Variants in DEPDC5 observed in about 807,000 individuals in gnomAD.
The protein encoded by DEPDC5 is DEP domain containing 5, GATOR1 subcomplex subunit, also known as GATOR1 complex protein DEPDC5.
In DEPDC5, 73 loss-of-function variants were observed where a neutral mutation model predicts 217.3. The observed-to-expected ratio is 0.34, with a 90% CI of 0.28 to 0.41. The LOEUF (loss-of-function observed/expected upper bound fraction) is 0.41. Ranked by LOEUF, DEPDC5 falls within the 10% of genes least tolerant of loss-of-function variation. The pLI is 1.00. For missense variants in DEPDC5, 1,675 were observed against 2,070.1 expected (o/e 0.81, Z 3.70); for synonymous variants, 733 against 756.7 (o/e 0.97, Z 0.51).
chr22:31,864,981 G>A (rs1235342606), intron 33 of DEPDC5, among the ~76,000 whole-genome samples: 2 of 141,268 alleles, frequency 1.4e-5, no homozygotes, highest in Non-Finnish European at 2.9e-5. Flanking sequence ...GTGAGCCATC[G>A]CGCTTGGCCT....
intron 18 of DEPDC5, among the ~76,000 whole-genome samples, chr22:31,807,655 C>T (rs2087717503): frequency 6.6e-6 from 1 of 152,204 alleles, no homozygotes. Flanking sequence ...TTGTCTCAAA[C>T]TCTTGATTTC....
intron 24 of DEPDC5, 80 bp from the exon 25 acceptor site, chr22:31,833,835 T>C: frequency 8.4e-7 from 1 of 1,184,112 alleles, no homozygotes; most frequent in South Asian, 2.0e-5. Context: ...AGCTCCAGTT[T>C]GCCTTTTTCA....
At chr22:31,858,452 G>A (rs2092386281) in intron 32 of DEPDC5, 1 of 152,154 alleles carries the variant, frequency 6.6e-6, no homozygotes, top group Non-Finnish European at 1.5e-5. Context: ...AGGACAAGCT[G>A]ACTGTACTTA....
intron 3 of DEPDC5, 56 bp downstream of exon 3, chr22:31,758,689 C>T: frequency 2.0e-6 from 3 of 1,501,958 alleles, no homozygotes; most frequent in Non-Finnish European, 2.8e-6. Flanking sequence ...CAAATGATGT[C>T]CAAGGCAGAT....
chr22:31,762,106 A>AT (rs1158238349), intron 4 of DEPDC5, among the ~76,000 whole-genome samples: 2 of 151,802 alleles, frequency 1.3e-5, no homozygotes, highest in Non-Finnish European at 2.9e-5. Flanking sequence ...CATCTGTCCC[A>AT]TTTTTTCACA....
At chr22:31,765,757 C>T (rs1019715976) in intron 5 of DEPDC5, among the ~76,000 whole-genome samples, 1 of 151,928 alleles carries the variant, frequency 6.6e-6, no homozygotes, top group Non-Finnish European at 1.5e-5. Context: ...GGGTGGTGGC[C>T]CATGCCTGTA....
Position 31,876,233 on chromosome 22 carries a change from A to G in DEPDC5, c.3773A>G (p.Tyr1258Cys), listed in dbSNP as rs1401039255. 2.5e-6 allele frequency: 4 copies of G among 1,613,858 alleles called. No homozygotes were observed. The Admixed American group carries it at 6.7e-5, about 27-fold the overall frequency. Reference sequence around the variant, plus strand: ...ACCTTCATCTACGGCTTCTATTTCTACAAGATAGTAACGGACAAAGAGCCC... The same window carrying G: ...ACCTTCATCTACGGCTTCTATTTCTGCAAGATAGTAACGGACAAAGAGCCC... ...WRTFIYGFYF[Y>C]KIVTDKEPDR... The change falls in exon 37 of 43, where the codon TAC (tyrosine) becomes TGC (cysteine). Residue 1258 changes from tyrosine (Y) to cysteine (C), a missense_variant. This residue lies in a region of DEPDC5 where 194 missense variants were observed against 199.3 expected (regional missense o/e 0.97). Coordinates refer to ENST00000651528, the MANE Select transcript of DEPDC5 (RefSeq NM_001242896.3).
intron 29 of DEPDC5, 84 bp downstream of exon 29, chr22:31,843,896 C>G (rs915371776): frequency 1.5e-6 from 2 of 1,357,284 alleles, no homozygotes; most frequent in Non-Finnish European, 2.0e-6. Flanking sequence ...TGCCCTTTCT[C>G]TCTCTCTCCC....
chr22:31,889,566 T>TC (rs768515801), intron 38 of DEPDC5, among the ~76,000 whole-genome samples: 25 of 139,260 alleles, frequency 1.8e-4, no homozygotes, highest in Non-Finnish European at 2.5e-4. Flanking sequence ...TTTTTTTTTT[T>TC]CCAGACAGAG....
rs763615141 is a variant in DEPDC5, at chr22:31,879,043, A to AAATATAT, written c.3806-481_3806-480insATATATA. 1.0e-4 allele frequency among the ~76,000 whole-genome samples: 12 copies of AAATATAT among 119,458 alleles called. No homozygotes were observed. In the East Asian group the frequency reaches 2.5e-3, roughly 24 times the overall value. 78.4% of individuals were successfully genotyped at this position (119,458 alleles called of 152,430 possible). A position where few individuals can be genotyped will look rare whatever the true frequency, so the allele number is the denominator to read the frequency against. ...AGACTCCGTCTCAAAAAAAAAAAAA[A>AAATATAT]ATATATATATATATATATATATATA... On this transcript the variant is annotated intron_variant, in intron 37 of 42. Transcript: ENST00000651528.
chr22:31,759,413 AC>A (rs1385208228), intron 3 of DEPDC5, among the ~76,000 whole-genome samples: 2 of 148,540 alleles, frequency 1.3e-5, no homozygotes, highest in African/African-American at 5.0e-5. Context: ...TCACTCTGTC[AC>A]CCAGGCTGAA....
intron 31 of DEPDC5, among the ~76,000 whole-genome samples, chr22:31,847,673 C>A (rs915826638): frequency 3.5e-4 from 53 of 152,270 alleles, no homozygotes; most frequent in African/African-American, 1.3e-3. Context: ...CCCACCTGGA[C>A]CATCCCATGA....
rs543364711 is a variant in DEPDC5, at chr22:31,768,882, T to C, written c.413+19T>C. Reference sequence around the variant, plus strand: ...GCATCAGGTAGATATTACATCACTCTTGCCTTATCTGTGCAGTAACTGGGC... The same window carrying C: ...GCATCAGGTAGATATTACATCACTCCTGCCTTATCTGTGCAGTAACTGGGC... On this transcript the variant is annotated intron_variant, in intron 7 of 42. Coordinates refer to ENST00000651528, the MANE Select transcript of DEPDC5 (RefSeq NM_001242896.3). 3.0e-5 allele frequency: 48 copies of C among 1,610,634 alleles called. No homozygotes were observed. The South Asian group carries it at 5.0e-4, about 17-fold the overall frequency.
intron 26 of DEPDC5, 23 bp downstream of exon 26, chr22:31,837,178 C>T: frequency 6.2e-7 from 1 of 1,613,114 alleles, no homozygotes; most frequent in Non-Finnish European, 8.5e-7. Context: ...GAAAAAGGCA[C>T]TTGGCTTGGT....
In DEPDC5 at chr22:31,844,947, A is replaced by G. The variant is rs1280065295; in HGVS notation, c.2802-71A>G. On this transcript the variant is annotated intron_variant, in intron 29 of 42. Coordinates refer to ENST00000651528, the MANE Select transcript of DEPDC5 (RefSeq NM_001242896.3). Reference sequence around the variant, plus strand: ...GGACCTTCACACACCAACTCCACAGAGAGTTTACTGAGAGTGCTTTCATTA... The same window carrying G: ...GGACCTTCACACACCAACTCCACAGGGAGTTTACTGAGAGTGCTTTCATTA... 4.0e-6 allele frequency: 6 copies of G among 1,507,822 alleles called. No homozygotes were observed. In the East Asian group the frequency reaches 1.4e-4, roughly 34 times the overall value. The allele number at this position is 1,507,822 out of a possible 1,614,324, so 93.4% of individuals were successfully genotyped here. A position where few individuals can be genotyped will look rare whatever the true frequency, so the allele number is the denominator to read the frequency against.
Position 31,834,750 on chromosome 22 carries a change from C to T in DEPDC5, c.2170+770C>T, listed in dbSNP as rs549400650. On this transcript the variant is annotated intron_variant, in intron 25 of 42. Transcript: ENST00000651528. The stretch of plus-strand genomic sequence containing the variant: ...TAGGCTGGTCTCAAACTCCTAACCT[C>T]GTGATCCTGACCTCGTGATCCGCCC... Among the ~76,000 whole-genome samples, 369 of 152,166 alleles carry T rather than the reference C, an allele frequency of 2.4e-3. 1 individual carries two copies. Among genetic ancestry groups the T allele is most frequent in the Non-Finnish European group, 3.6e-3 (244 of 68,012 alleles).
Position 31,843,225 on chromosome 22 carries a change from A to G in DEPDC5, c.2633+13A>G, listed in dbSNP as rs374679080. 1.5e-5 allele frequency: 24 copies of G among 1,610,536 alleles called. No individual in the cohort carries two copies. Among genetic ancestry groups the G allele is most frequent in the Non-Finnish European group, 2.0e-5 (24 of 1,177,536 alleles). On this transcript the variant is annotated intron_variant, in intron 28 of 42. Transcript: ENST00000651528. Reference sequence around the variant, plus strand: ...GATACCTTCCCAAGTGAGTATTTGGATATTTAAAGTCTTCAGTTATTGTCC... The same window carrying G: ...GATACCTTCCCAAGTGAGTATTTGGGTATTTAAAGTCTTCAGTTATTGTCC...
chr22:31,874,471 G>A, intron 36 of DEPDC5, 66 bp downstream of exon 36: 1 of 1,524,316 alleles, frequency 6.6e-7, no homozygotes, highest in Non-Finnish European at 8.8e-7. Context: ...GCCTGCCTTA[G>A]AAGCCATCAC....
At chr22:31,784,561 A>G in intron 9 of DEPDC5, 1 of 342,372 alleles carries the variant, frequency 2.9e-6, no homozygotes, top group South Asian at 3.5e-5. Flanking sequence ...CCTGGGCGGC[A>G]GTGAGCCAGT....
Sources: gnomAD v4.1 joint callset for allele counts (sites outside exome capture counted in the v4.1 genomes callset) on GRCh38, gnomAD v4.1.1 for gene constraint, gnomAD v4.1.1 regional missense constraint, MANE v1.5 for transcripts, NCBI Gene and HGNC (gene_info 2026-07-23, HGNC 2026-07-21) for gene names.